LRP1B: variants seen among roughly 807,000 people sequenced by gnomAD.
LRP1B encodes low-density lipoprotein receptor-related protein 1B.
A neutral mutation model predicts 556.6 loss-of-function variants in LRP1B; 217 were observed. The ratio of observed to expected loss-of-function variants is 0.39; its 90% CI spans 0.35 to 0.44. The LOEUF (loss-of-function observed/expected upper bound fraction) is 0.44, where lower values mean the gene tolerates loss of function less well. Among genes scored for constraint, LRP1B ranks in the 20% least tolerant of loss-of-function variants. LRP1B has a pLI of 1.00. For missense variants in LRP1B, 5,053 were observed against 5,620.8 expected, an observed-to-expected ratio of 0.90 and a Z score of 3.23; for synonymous variants, 2,047 against 1,865.8, an observed-to-expected ratio of 1.10 and a Z score of -2.50.
chr2:141,914,112 C>T (rs1047130692), intron 1 of LRP1B, among the ~76,000 whole-genome samples: 4 of 151,884 alleles, frequency 2.6e-5, no homozygotes, highest in African/African-American at 4.8e-5. Flanking sequence ...TACCTAGGTC[C>T]GTATTAAATT....
chr2:140,524,442 T>C (rs888440771), intron 49 of LRP1B, among the ~76,000 whole-genome samples: 1 of 151,834 alleles, frequency 6.6e-6, no homozygotes, highest in Admixed American at 6.6e-5. Flanking sequence ...AGTAGAACTA[T>C]GATTTAAGCC....
At chr2:141,008,739 A>G (rs1405720570) in intron 14 of LRP1B, among the ~76,000 whole-genome samples, 1 of 151,914 alleles carries the variant, frequency 6.6e-6, no homozygotes, top group Non-Finnish European at 1.5e-5. Flanking sequence ...TGCCCAGCAT[A>G]GAGTGTGTTT....
At chr2:140,440,506 G>T (rs984062147) in intron 66 of LRP1B, among the ~76,000 whole-genome samples, 1 of 152,138 alleles carries the variant, frequency 6.6e-6, no homozygotes, top group Admixed American at 6.6e-5. Context: ...ACAGCAGAAG[G>T]AGAATCATCC....
At chr2:140,701,689 T>C (rs575138537) in intron 40 of LRP1B, 32 bp downstream of exon 40, 1 of 1,579,578 alleles carries the variant, frequency 6.3e-7, no homozygotes. Context: ...ACATAAAATA[T>C]ACATATTATG....
At chr2:140,559,954 A>G (rs946127646) in intron 43 of LRP1B, among the ~76,000 whole-genome samples, 31 of 152,162 alleles carry the variant, frequency 2.0e-4, no homozygotes, top group African/African-American at 7.5e-4. Context: ...GAGGATTACA[A>G]TATTTACATA....
intron 1 of LRP1B, among the ~76,000 whole-genome samples, chr2:142,094,725 CTCT>C (rs1706298176): frequency 6.6e-6 from 1 of 151,660 alleles, no homozygotes; most frequent in Non-Finnish European, 1.5e-5. Flanking sequence ...AGGTTTCAGT[CTCT>C]TCATCTTAAC....
At chr2:141,215,739 G>C (rs1682777110) in intron 6 of LRP1B, among the ~76,000 whole-genome samples, 1 of 152,192 alleles carries the variant, frequency 6.6e-6, no homozygotes, top group South Asian at 2.1e-4. Context: ...ATAGCCTAGG[G>C]TATCTGGCAG....
intron 18 of LRP1B, among the ~76,000 whole-genome samples, chr2:140,965,590 T>C (rs1373400428): frequency 1.3e-5 from 2 of 152,148 alleles, no homozygotes; most frequent in Non-Finnish European, 2.9e-5. Flanking sequence ...AGTTCTAGGG[T>C]ACATTTGCAC....
intron 43 of LRP1B, among the ~76,000 whole-genome samples, chr2:140,571,688 A>G (rs1422649191): frequency 6.6e-6 from 1 of 151,844 alleles, no homozygotes; most frequent in African/African-American, 2.4e-5. Context: ...AATTTCCCAA[A>G]TAACCAAAGC....
In LRP1B at chr2:140,509,846, C is replaced by CTATG; in HGVS notation, c.8398+78_8398+81dup. 3.2e-6 allele frequency: 5 copies of CTATG among 1,539,266 alleles called. No individual in the cohort carries two copies. In the South Asian group the frequency reaches 6.3e-5, roughly 19 times the overall value. Reference sequence around the variant, plus strand: ...AACTAGGAAAGCAATGGGAAATGTGCTATGGCAAATACTACAAAAACAAAT... The same window carrying CTATG: ...AACTAGGAAAGCAATGGGAAATGTGCTATGTATGGCAAATACTACAAAAACAAAT... On this transcript the variant is annotated intron_variant, in intron 52 of 90. Coordinates refer to ENST00000389484, the MANE Select transcript of LRP1B (RefSeq NM_018557.3).
chr2:140,482,285 T>C (rs3884557), intron 59 of LRP1B, among the ~76,000 whole-genome samples: 17,248 of 152,192 alleles, frequency 0.11, 1,477 homozygotes, highest in East Asian at 0.47. Flanking sequence ...ATATGTAATG[T>C]TTTCTGTTAA....
At chr2:140,838,726 GATA>G (rs545758245) in intron 31 of LRP1B, among the ~76,000 whole-genome samples, 311 of 152,094 alleles carry the variant, frequency 2.0e-3, no homozygotes, top group African/African-American at 7.1e-3. Context: ...GCATCTTTAT[GATA>G]ATAATATCAA....
At chr2:141,224,890 G>T (rs563245854) in intron 6 of LRP1B, among the ~76,000 whole-genome samples, 2 of 152,084 alleles carry the variant, frequency 1.3e-5, no homozygotes, top group South Asian at 2.1e-4. Flanking sequence ...TAGATGATGG[G>T]TTGATGGGTG....
chr2:141,710,166 A>G (rs949104296), intron 2 of LRP1B, among the ~76,000 whole-genome samples: 4 of 152,154 alleles, frequency 2.6e-5, no homozygotes, highest in Admixed American at 6.6e-5. Context: ...TTGCCTTTGT[A>G]TGACTACTAT....
At chr2:141,108,720 T>G (rs1000317172) in intron 7 of LRP1B, among the ~76,000 whole-genome samples, 1 of 152,148 alleles carries the variant, frequency 6.6e-6, no homozygotes, top group Non-Finnish European at 1.5e-5. Flanking sequence ...TACCATTGAA[T>G]GAATAAATGT....
chr2:141,462,733 TACAG>T (rs58535237), intron 3 of LRP1B, among the ~76,000 whole-genome samples: 8,154 of 152,238 alleles, frequency 0.054, 268 homozygotes, highest in Non-Finnish European at 0.067. Flanking sequence ...AAGCTTAACT[TACAG>T]ACAAAGAAAG....
At chr2:142,083,680 T>C (rs965879456) in intron 1 of LRP1B, among the ~76,000 whole-genome samples, 5 of 152,232 alleles carry the variant, frequency 3.3e-5, no homozygotes, top group African/African-American at 1.2e-4. Context: ...ATCCTACAAA[T>C]ATATGCAGTA....
chr2:140,601,342 C>A, intron 42 of LRP1B, 108 bp downstream of exon 42: 1 of 996,022 alleles, frequency 1.0e-6, no homozygotes, highest in South Asian at 3.2e-5. Flanking sequence ...GAAAATAAAA[C>A]TTCAAATAAA....
chr2:141,699,397 TC>T (rs1461729247), intron 2 of LRP1B, among the ~76,000 whole-genome samples: 5 of 151,846 alleles, frequency 3.3e-5, no homozygotes, highest in Admixed American at 2.6e-4. Flanking sequence ...AGATACGTTT[TC>T]TTTAATAGTC....
Sources: allele counts gnomAD v4.1 joint callset (sites outside exome capture counted in the v4.1 genomes callset), GRCh38; gene constraint gnomAD v4.1.1; transcripts MANE v1.5; gene names NCBI Gene and HGNC (gene_info 2026-07-23, HGNC 2026-07-21).